Variants in DYNC2I2 observed in about 807,000 individuals in gnomAD.
DYNC2I2 encodes dynein 2 intermediate chain 2.
A neutral mutation model predicts 52.0 loss-of-function variants in DYNC2I2; 39 were observed. The observed-to-expected ratio is 0.75, with a 90% CI of 0.58 to 0.98. The LOEUF (loss-of-function observed/expected upper bound fraction) is 0.98, where lower values mean the gene tolerates loss of function less well. DYNC2I2 is among the 50% of genes least tolerant of loss of function. DYNC2I2 has a pLI of 0.00. For missense variants in DYNC2I2, 743 were observed against 728.4 expected, an observed-to-expected ratio of 1.02 and a Z score of -0.23; for synonymous variants, 359 against 321.1, an observed-to-expected ratio of 1.12 and a Z score of -1.26.
chr9:128,644,303 C>T (rs950470322), intron 1 of DYNC2I2, among the ~76,000 whole-genome samples: 1 of 150,610 alleles, frequency 6.6e-6, no homozygotes, highest in African/African-American at 2.4e-5. Flanking sequence ...CAGGGTCTCA[C>T]TCTGTTGCCC....
At chr9:128,667,835 C>G in the DYNC2I2 span, among the ~76,000 whole-genome samples, 1 of 142,822 alleles carries the variant, frequency 7.0e-6, no homozygotes, top group Non-Finnish European at 1.5e-5. Flanking sequence ...TGGGTTCAAG[C>G]GATTCTCCTG....
the DYNC2I2 span, among the ~76,000 whole-genome samples, chr9:128,674,659 C>T: frequency 6.6e-6 from 1 of 152,130 alleles, no homozygotes; most frequent in Admixed American, 6.5e-5. Context: ...AGGAGAATCG[C>T]GTGAACCCAG....
the DYNC2I2 span, among the ~76,000 whole-genome samples, chr9:128,678,776 T>C: frequency 6.7e-5 from 10 of 148,160 alleles, no homozygotes; most frequent in Admixed American, 1.3e-4. Flanking sequence ...AATCTTATAA[T>C]AAAACAAAGA....
At chr9:128,637,666 C>T (rs1446894168) in intron 2 of DYNC2I2, among the ~76,000 whole-genome samples, 1 of 152,186 alleles carries the variant, frequency 6.6e-6, no homozygotes, top group Non-Finnish European at 1.5e-5. Flanking sequence ...TAGTCTCGAA[C>T]TCCTGACCTC....
intron 2 of DYNC2I2, among the ~76,000 whole-genome samples, chr9:128,639,070 T>C (rs1391169681): frequency 6.6e-6 from 1 of 151,908 alleles, no homozygotes. Context: ...CCATCTGAAC[T>C]ACAGCCTGGG....
At chr9:128,638,293 C>A (rs975262630) in intron 2 of DYNC2I2, among the ~76,000 whole-genome samples, 1 of 151,202 alleles carries the variant, frequency 6.6e-6, no homozygotes, top group South Asian at 2.1e-4. Context: ...CGGAGGCGGG[C>A]GGATCACAAG....
At chr9:128,682,883 A>T in the DYNC2I2 span, among the ~76,000 whole-genome samples, 3 of 150,654 alleles carry the variant, frequency 2.0e-5, no homozygotes, top group Admixed American at 6.6e-5. Flanking sequence ...TCACCATGTT[A>T]GCCAGGATGG....
the DYNC2I2 span, among the ~76,000 whole-genome samples, chr9:128,674,204 C>T: frequency 6.6e-6 from 1 of 151,726 alleles, no homozygotes. Flanking sequence ...GGCGTAATCT[C>T]GGCTCACTGC....
upstream of DYNC2I2, among the ~76,000 whole-genome samples, chr9:128,660,263 C>T (rs1287800288): frequency 6.6e-6 from 1 of 150,694 alleles, no homozygotes; most frequent in Non-Finnish European, 1.5e-5. Context: ...CGCCCGCCAC[C>T]ACCCCCAGCT....
the DYNC2I2 span, among the ~76,000 whole-genome samples, chr9:128,672,352 C>A: frequency 7.9e-5 from 12 of 151,910 alleles, no homozygotes; most frequent in African/African-American, 2.2e-4. Flanking sequence ...ATCCGCCAGG[C>A]CTGGCTAATT....
upstream of DYNC2I2, among the ~76,000 whole-genome samples, chr9:128,661,420 A>G (rs980631778): frequency 6.6e-6 from 1 of 151,576 alleles, no homozygotes; most frequent in Non-Finnish European, 1.5e-5. Context: ...GGAGTTCAAG[A>G]CCAGCCTGGC....
At chr9:128,654,903 A>G (rs1860786479) in intron 1 of DYNC2I2, among the ~76,000 whole-genome samples, 1 of 152,064 alleles carries the variant, frequency 6.6e-6, no homozygotes, top group Non-Finnish European at 1.5e-5. Flanking sequence ...CCACGGCACT[A>G]TTCACCTTCT....
chr9:128,665,968 G>A, the DYNC2I2 span, among the ~76,000 whole-genome samples: 4 of 151,238 alleles, frequency 2.6e-5, no homozygotes, highest in African/African-American at 9.7e-5. Flanking sequence ...CCAGCTACTC[G>A]GGAGGCTGAG....
At chr9:128,669,351 C>G in the DYNC2I2 span, among the ~76,000 whole-genome samples, 1 of 151,158 alleles carries the variant, frequency 6.6e-6, no homozygotes, top group Non-Finnish European at 1.5e-5. Context: ...GGCGACAGAG[C>G]GAGACTCTGT....
chr9:128,634,883 C>T lies in DYNC2I2; in HGVS notation c.1020G>A (p.Val340=). ...RGETEVGATA[V]AFSSFDPRLF... is the part of the protein sequence containing the mutation. The stretch of plus-strand genomic sequence containing the variant: ...GCCTAGGGTCAAAGCTGGAGAAGGC[C>T]ACTGCCGTGGCGCCCACCTCGGTCT... Residue 340 remains valine, a synonymous_variant, in exon 7 of 9, where the codon GTG becomes GTA. Transcript: ENST00000372715. The T allele has an allele frequency of 6.2e-7, 1 of 1,613,248 alleles. No homozygotes were observed. Among genetic ancestry groups the T allele is most frequent in the Non-Finnish European group, 8.5e-7 (1 of 1,179,938 alleles).
At chr9:128,676,437 C>T in the DYNC2I2 span, among the ~76,000 whole-genome samples, 1 of 152,022 alleles carries the variant, frequency 6.6e-6, no homozygotes, top group Non-Finnish European at 1.5e-5. Context: ...TTGCAGTGAG[C>T]CTAGATCCTG....
the DYNC2I2 span, among the ~76,000 whole-genome samples, chr9:128,670,190 C>T: frequency 6.6e-6 from 1 of 152,120 alleles, no homozygotes; most frequent in Non-Finnish European, 1.5e-5. Context: ...CCTGTAACCC[C>T]AGCACTTTGG....
At chr9:128,674,553 C>T in the DYNC2I2 span, among the ~76,000 whole-genome samples, 2 of 151,890 alleles carry the variant, frequency 1.3e-5, no homozygotes, top group African/African-American at 4.8e-5. Flanking sequence ...ACCAGCCTGG[C>T]CAATATGGTG....
chr9:128,683,855 C>T, the DYNC2I2 span: 22 of 1,503,990 alleles, frequency 1.5e-5, no homozygotes, highest in Middle Eastern at 2.2e-4. Flanking sequence ...TCCGGACGGG[C>T]GAGGAGACTC....
Sources: allele counts gnomAD v4.1 joint callset (sites outside exome capture counted in the v4.1 genomes callset), GRCh38; gene constraint gnomAD v4.1.1; transcripts MANE v1.5; gene names NCBI Gene and HGNC (gene_info 2026-07-23, HGNC 2026-07-21).